Variants in ZFPM2 observed in about 807,000 individuals in gnomAD.
ZFPM2 encodes the protein zinc finger protein, FOG family member 2.
In ZFPM2, 20 loss-of-function variants were observed where a neutral mutation model predicts 98.6. The ratio of observed to expected loss-of-function variants is 0.20; its 90% confidence interval spans 0.14 to 0.29. The LOEUF is 0.29. Ranked by LOEUF, ZFPM2 falls within the 10% of genes least tolerant of loss-of-function variation. The probability of loss-of-function intolerance (pLI) is 1.00; values close to 1 mark genes in which losing one functional copy is unlikely to be tolerated. For synonymous variants in ZFPM2, 518 were observed against 502.7 expected, an observed-to-expected ratio of 1.03 and a Z score of -0.41; for missense variants, 1,310 against 1,388.6, an observed-to-expected ratio of 0.94 and a Z score of 0.90.
intron 3 of ZFPM2, among the ~76,000 whole-genome samples, chr8:105,491,780 A>T (rs942531049): frequency 6.6e-6 from 1 of 152,166 alleles, no homozygotes; most frequent in African/African-American, 2.4e-5. Flanking sequence ...TAGTGAATTT[A>T]TTGCCTTATA....
intron 2 of ZFPM2, among the ~76,000 whole-genome samples, chr8:105,443,510 A>G (rs1323298274): frequency 6.6e-6 from 1 of 152,174 alleles, no homozygotes; most frequent in African/African-American, 2.4e-5. Flanking sequence ...AAAGCAGCAC[A>G]TACTTTGTTA....
At chr8:105,682,120 A>C (rs917192021) in intron 5 of ZFPM2, among the ~76,000 whole-genome samples, 4 of 152,184 alleles carry the variant, frequency 2.6e-5, no homozygotes, top group African/African-American at 9.7e-5. Context: ...AAAGCTACAT[A>C]TCTTCCGTTC....
chr8:105,638,392 C>T (rs947653949), intron 5 of ZFPM2, among the ~76,000 whole-genome samples: 1 of 152,026 alleles, frequency 6.6e-6, no homozygotes, highest in African/African-American at 2.4e-5. Context: ...GGGCCAACAT[C>T]CATGCTCCCA....
chr8:105,381,086 C>G (rs1443171660), intron 1 of ZFPM2, among the ~76,000 whole-genome samples: 1 of 146,466 alleles, frequency 6.8e-6, no homozygotes, highest in East Asian at 2.0e-4. Flanking sequence ...TGCCCCCCAC[C>G]CCTCAACAGG....
chr8:105,378,220 G>A (rs934946029), intron 1 of ZFPM2, among the ~76,000 whole-genome samples: 1 of 152,212 alleles, frequency 6.6e-6, no homozygotes, highest in Non-Finnish European at 1.5e-5. Flanking sequence ...TTATGGTAAT[G>A]AATGTGAAGA....
chr8:105,597,156 T>G (rs190562658), intron 4 of ZFPM2, among the ~76,000 whole-genome samples: 56 of 152,116 alleles, frequency 3.7e-4, no homozygotes, highest in African/African-American at 1.3e-3. Context: ...GGGTTGCAAA[T>G]GAATGTTAGG....
intron 5 of ZFPM2, among the ~76,000 whole-genome samples, chr8:105,718,136 CAG>C (rs1290290482): frequency 6.6e-6 from 1 of 151,916 alleles, no homozygotes; most frequent in African/African-American, 2.4e-5. Flanking sequence ...AGTCATTGGT[CAG>C]AGTCATCCTG....
chr8:105,344,638 A>G (rs1207362230), intron 1 of ZFPM2, among the ~76,000 whole-genome samples: 2 of 152,046 alleles, frequency 1.3e-5, no homozygotes, highest in Non-Finnish European at 2.9e-5. Context: ...ACCTGGGTCT[A>G]TTTCTGTGTG....
intron 3 of ZFPM2, among the ~76,000 whole-genome samples, chr8:105,463,424 CTT>C (rs1335444109): frequency 6.6e-6 from 1 of 151,266 alleles, no homozygotes; most frequent in Non-Finnish European, 1.5e-5. Flanking sequence ...ATATATATAA[CTT>C]TTGTGTTACA....
At chr8:105,473,443 C>A (rs1284637704) in intron 3 of ZFPM2, among the ~76,000 whole-genome samples, 1 of 152,198 alleles carries the variant, frequency 6.6e-6, no homozygotes, top group Admixed American at 6.5e-5. Context: ...CCCTGACTAG[C>A]TGACTACCTC....
At chr8:105,406,664 C>T (rs1199538911) in intron 1 of ZFPM2, among the ~76,000 whole-genome samples, 2 of 151,930 alleles carry the variant, frequency 1.3e-5, no homozygotes, top group Non-Finnish European at 2.9e-5. Flanking sequence ...CTTAGAATAA[C>T]CTGGATGGCA....
chr8:105,511,351 C>T (rs1362989494), intron 3 of ZFPM2, among the ~76,000 whole-genome samples: 10 of 152,226 alleles, frequency 6.6e-5, no homozygotes, highest in African/African-American at 2.4e-4. Flanking sequence ...AAGTTGTTCT[C>T]TCTTTACAGC....
intron 3 of ZFPM2, among the ~76,000 whole-genome samples, chr8:105,509,483 T>C (rs2130501795): frequency 6.6e-6 from 1 of 152,300 alleles, no homozygotes; most frequent in African/African-American, 2.4e-5. Flanking sequence ...CGTAATGTTT[T>C]TTTGCATTTT....
intron 3 of ZFPM2, among the ~76,000 whole-genome samples, chr8:105,515,299 T>C (rs1213752262): frequency 6.6e-6 from 1 of 152,234 alleles, no homozygotes; most frequent in Non-Finnish European, 1.5e-5. Flanking sequence ...CTAATGCCGC[T>C]TTCCATCCTC....
intron 3 of ZFPM2, among the ~76,000 whole-genome samples, chr8:105,485,224 C>T (rs1048580653): frequency 2.0e-5 from 3 of 152,284 alleles, no homozygotes; most frequent in Admixed American, 1.3e-4. Context: ...CAGAGTCCAA[C>T]AGCCAGCCTG....
At chr8:105,552,558 A>G (rs1413360158) in intron 3 of ZFPM2, among the ~76,000 whole-genome samples, 2 of 152,138 alleles carry the variant, frequency 1.3e-5, no homozygotes, top group Non-Finnish European at 2.9e-5. Flanking sequence ...CAACGACCAC[A>G]GCTCCACCTT....
chr8:105,477,709 T>A (rs1352020754), intron 3 of ZFPM2, among the ~76,000 whole-genome samples: 2 of 152,190 alleles, frequency 1.3e-5, no homozygotes, highest in Admixed American at 6.5e-5. Flanking sequence ...TTAGTAACGA[T>A]CTTGAGAAAG....
At chr8:105,649,198 G>T (rs997998207) in intron 5 of ZFPM2, among the ~76,000 whole-genome samples, 1 of 152,134 alleles carries the variant, frequency 6.6e-6, no homozygotes, top group Non-Finnish European at 1.5e-5. Context: ...TTGGTGTATA[G>T]GAATGCTTGT....
At chr8:105,504,026 T>A (rs968608117) in intron 3 of ZFPM2, among the ~76,000 whole-genome samples, 8 of 152,162 alleles carry the variant, frequency 5.3e-5, no homozygotes, top group Non-Finnish European at 1.0e-4. Context: ...CCTTATTTTT[T>A]AAATGTTTGT....
Sources: gnomAD v4.1 joint callset for allele counts (sites outside exome capture counted in the v4.1 genomes callset) on GRCh38, gnomAD v4.1.1 for gene constraint, MANE v1.5 for transcripts, NCBI Gene and HGNC (gene_info 2026-07-23, HGNC 2026-07-21) for gene names.